The following STIM2 variants were observed in gnomAD, a reference collection of about 807,000 sequenced individuals.
STIM2 encodes the protein stromal interaction molecule 2.
Under a neutral mutation model 85.8 loss-of-function variants are expected in STIM2, and 31 were observed. The observed-to-expected ratio is 0.36, with a 90% CI of 0.27 to 0.49. The LOEUF (loss-of-function observed/expected upper bound fraction) is 0.49. Among genes scored for constraint, STIM2 ranks in the 20% least tolerant of loss-of-function variants. The pLI is 0.98. For synonymous variants in STIM2, 356 were observed against 331.1 expected, an observed-to-expected ratio of 1.08 and a Z score of -0.82; for missense variants, 841 against 927.6, an observed-to-expected ratio of 0.91 and a Z score of 1.21.
chr4:26,963,196 T>A (rs925882388), intron 3 of STIM2, among the ~76,000 whole-genome samples: 6 of 151,998 alleles, frequency 3.9e-5, no homozygotes, highest in South Asian at 2.1e-4. Context: ...AAAGGAAATA[T>A]AAAGAAAAAA....
At chr4:26,975,995 T>G (rs1295059971) in intron 3 of STIM2, among the ~76,000 whole-genome samples, 1 of 152,158 alleles carries the variant, frequency 6.6e-6, no homozygotes, top group Non-Finnish European at 1.5e-5. Context: ...ACCTTACAGT[T>G]CAATCTCAGA....
At chr4:26,993,842 A>G (rs886537891) in intron 3 of STIM2, among the ~76,000 whole-genome samples, 8 of 152,156 alleles carry the variant, frequency 5.3e-5, no homozygotes, top group African/African-American at 1.7e-4. Flanking sequence ...TTCTGTGAAC[A>G]GTTTGCCTGA....
At chr4:27,016,443 G>A (rs1230775510) in intron 10 of STIM2, among the ~76,000 whole-genome samples, 1 of 152,038 alleles carries the variant, frequency 6.6e-6, no homozygotes, top group Non-Finnish European at 1.5e-5. Context: ...GCCTTTCTTT[G>A]CTTCTGGCAG....
At chr4:27,012,240 T>C (rs1297464795) in intron 10 of STIM2, among the ~76,000 whole-genome samples, 1 of 152,116 alleles carries the variant, frequency 6.6e-6, no homozygotes, top group African/African-American at 2.4e-5. Context: ...ATTGTTCAAA[T>C]TCAGAATTTC....
intron 1 of STIM2, among the ~76,000 whole-genome samples, chr4:26,885,582 A>G (rs180940643): frequency 1.6e-4 from 25 of 152,074 alleles, no homozygotes; most frequent in African/African-American, 5.8e-4. Flanking sequence ...GGTATGAAGG[A>G]TCCTCCTTTA....
chr4:26,999,633 G>C (rs962479391), intron 5 of STIM2, among the ~76,000 whole-genome samples: 1 of 152,136 alleles, frequency 6.6e-6, no homozygotes, highest in Non-Finnish European at 1.5e-5. Context: ...GATCTTTGGA[G>C]GAGTTTTAAT....
chr4:26,896,122 T>A (rs1415850123), intron 1 of STIM2, among the ~76,000 whole-genome samples: 6 of 152,348 alleles, frequency 3.9e-5, no homozygotes, highest in Non-Finnish European at 7.3e-5. Context: ...ATTGCTTGAT[T>A]TGACCACTTG....
chr4:26,939,400 C>T (rs1187278001), intron 2 of STIM2, among the ~76,000 whole-genome samples: 2 of 152,166 alleles, frequency 1.3e-5, no homozygotes, highest in African/African-American at 2.4e-5. Context: ...AGCATTGGTA[C>T]TACCAAATAT....
intron 3 of STIM2, among the ~76,000 whole-genome samples, chr4:26,994,481 C>T (rs1216127768): frequency 6.6e-6 from 1 of 152,046 alleles, no homozygotes; most frequent in Non-Finnish European, 1.5e-5. Flanking sequence ...TGACCCTTTC[C>T]TGTCTAGGCA....
intron 2 of STIM2, among the ~76,000 whole-genome samples, chr4:26,944,765 C>T (rs919228031): frequency 6.6e-6 from 1 of 152,120 alleles, no homozygotes; most frequent in East Asian, 1.9e-4. Flanking sequence ...TCTCGTCAAT[C>T]ACGTGAATAG....
chr4:26,932,965 A>C (rs1401248192), intron 2 of STIM2, among the ~76,000 whole-genome samples: 1 of 152,242 alleles, frequency 6.6e-6, no homozygotes, highest in Non-Finnish European at 1.5e-5. Flanking sequence ...CAATGTGTAC[A>C]TGAGAGACTA....
chr4:26,911,234 AT>A (rs1724325022), intron 1 of STIM2, among the ~76,000 whole-genome samples: 5 of 63,786 alleles, frequency 7.8e-5, no homozygotes, highest in Non-Finnish European at 2.0e-4. Context: ...GTCTCAAAAA[AT>A]AAATAAATAA....
chr4:26,970,411 C>A (rs948054177), intron 3 of STIM2, among the ~76,000 whole-genome samples: 4 of 151,452 alleles, frequency 2.6e-5, no homozygotes, highest in African/African-American at 9.7e-5. Flanking sequence ...TACCCCCTCA[C>A]AGGCCCCTGT....
rs1248808308 is a variant in STIM2, at chr4:26,860,950, C to A, written c.-269C>A. Reference sequence around the variant, plus strand: ...TTTTTTTTTTTTTTTTTTAAATAACCGGAACCAATGAACGCAGCCGGGATC... The same window carrying A: ...TTTTTTTTTTTTTTTTTTAAATAACAGGAACCAATGAACGCAGCCGGGATC... On this transcript the variant is annotated 5_prime_UTR_variant, in exon 1 of 12. Coordinates refer to ENST00000467087, the MANE Select transcript of STIM2 (RefSeq NM_020860.4). 2.5e-6 allele frequency: 3 copies of A among 1,212,960 alleles called. No homozygotes were observed. The highest frequency in any genetic ancestry group is 1.7e-5 in the African/African-American group (1 of 59,402). The allele number at this position is 1,212,960 out of a possible 1,614,324, so 75.1% of individuals were successfully genotyped here. A position where few individuals can be genotyped will look rare whatever the true frequency, so the allele number is the denominator to read the frequency against.
chr4:26,899,059 G>C (rs1319793343), intron 1 of STIM2, among the ~76,000 whole-genome samples: 2 of 150,894 alleles, frequency 1.3e-5, no homozygotes, highest in African/African-American at 4.9e-5. Context: ...CCCTTCTCTT[G>C]TTCCTCACTA....
intron 2 of STIM2, among the ~76,000 whole-genome samples, chr4:26,954,172 A>G (rs1488044242): frequency 3.9e-5 from 6 of 152,188 alleles, no homozygotes; most frequent in Non-Finnish European, 1.5e-5. Flanking sequence ...ACAACATTTA[A>G]GTTACAGGTA....
chr4:26,881,841 ATTG>A (rs1217240559), intron 1 of STIM2, among the ~76,000 whole-genome samples: 3 of 152,226 alleles, frequency 2.0e-5, no homozygotes. Flanking sequence ...TTTAAAAAAT[ATTG>A]TTGTAGACAT....
chr4:26,920,952 A>G (rs993034049), intron 2 of STIM2, among the ~76,000 whole-genome samples: 1 of 152,164 alleles, frequency 6.6e-6, no homozygotes, highest in Admixed American at 6.5e-5. Flanking sequence ...TATGGGTTGA[A>G]ATGTGTTCTC....
chr4:26,933,296 A>G (rs1725269532), intron 2 of STIM2, among the ~76,000 whole-genome samples: 1 of 152,196 alleles, frequency 6.6e-6, no homozygotes, highest in South Asian at 2.1e-4. Context: ...GGAAGTTGGA[A>G]AGTTAACAGA....
Sources: allele counts gnomAD v4.1 joint callset (sites outside exome capture counted in the v4.1 genomes callset), GRCh38; gene constraint gnomAD v4.1.1; transcripts MANE v1.5; gene names NCBI Gene and HGNC (gene_info 2026-07-23, HGNC 2026-07-21).